Variants in ARHGAP32 observed in about 807,000 individuals in gnomAD.
ARHGAP32 encodes Rho GTPase activating protein 32, also known as rho GTPase-activating protein 32.
In ARHGAP32, 51 loss-of-function variants were observed where a neutral mutation model predicts 186.5. The ratio of observed to expected loss-of-function variants is 0.27; its 90% confidence interval spans 0.22 to 0.35. The LOEUF (loss-of-function observed/expected upper bound fraction) is 0.35. Among genes scored for constraint, ARHGAP32 ranks in the 10% least tolerant of loss-of-function variants. ARHGAP32 has a pLI of 1.00. For missense variants in ARHGAP32, 2,186 were observed against 2,623.5 expected, an observed-to-expected ratio of 0.83 and a Z score of 3.64; for synonymous variants, 950 against 964.3, an observed-to-expected ratio of 0.99 and a Z score of 0.27.
At chr11:129,074,096 TAAAGAA>T (rs1455840174) in intron 6 of ARHGAP32, among the ~76,000 whole-genome samples, 5 of 152,048 alleles carry the variant, frequency 3.3e-5, no homozygotes, top group Admixed American at 2.6e-4. Context: ...AGAAGTTCTT[TAAAGAA>T]AAAGAAAATG....
chr11:129,114,266 G>A (rs1435409356), intron 5 of ARHGAP32, among the ~76,000 whole-genome samples: 1 of 151,980 alleles, frequency 6.6e-6, no homozygotes, highest in Non-Finnish European at 1.5e-5. Context: ...ATTTTTCCTT[G>A]GCTGAGGGTT....
chr11:129,186,167 G>C (rs1397808241), intron 1 of ARHGAP32, among the ~76,000 whole-genome samples: 2 of 152,096 alleles, frequency 1.3e-5, no homozygotes, highest in Admixed American at 1.3e-4. Flanking sequence ...AATTAGGTTT[G>C]GGTTTAAACT....
intron 1 of ARHGAP32, among the ~76,000 whole-genome samples, chr11:129,277,052 T>C (rs950550169): frequency 3.3e-5 from 5 of 152,220 alleles, no homozygotes; most frequent in African/African-American, 9.6e-5. Context: ...TTTTGTTTCA[T>C]TCTTCTGCTA....
intron 5 of ARHGAP32, among the ~76,000 whole-genome samples, chr11:129,094,365 C>T (rs1941669094): frequency 6.6e-6 from 1 of 152,088 alleles, no homozygotes; most frequent in Admixed American, 6.5e-5. Flanking sequence ...ACTCTGTATC[C>T]ACAAAGATTT....
intron 7 of ARHGAP32, 85 bp from the exon 8 acceptor site, chr11:129,065,018 A>T (rs1388095473): frequency 1.8e-6 from 2 of 1,095,464 alleles, no homozygotes; most frequent in East Asian, 2.6e-5. Flanking sequence ...GGAAGAAAAA[A>T]ATCTATAGAT....
chr11:129,135,207 A>G (rs1942907932), intron 2 of ARHGAP32, among the ~76,000 whole-genome samples: 1 of 152,256 alleles, frequency 6.6e-6, no homozygotes, highest in South Asian at 2.1e-4. Context: ...GAAATGCAAA[A>G]GACACAGAAG....
chr11:129,046,803 C>T (rs946759385), intron 10 of ARHGAP32, among the ~76,000 whole-genome samples: 8 of 151,990 alleles, frequency 5.3e-5, no homozygotes, highest in African/African-American at 1.7e-4. Flanking sequence ...TTCAGCATAA[C>T]GATCATGTGC....
intron 2 of ARHGAP32, among the ~76,000 whole-genome samples, chr11:129,163,727 T>G (rs1285518657): frequency 6.6e-6 from 1 of 152,184 alleles, no homozygotes; most frequent in Non-Finnish European, 1.5e-5. Context: ...TGAGACTTCT[T>G]TAACATTTTA....
At chr11:129,177,186 G>A (rs1943935716) in intron 1 of ARHGAP32, among the ~76,000 whole-genome samples, 1 of 152,108 alleles carries the variant, frequency 6.6e-6, no homozygotes, top group East Asian at 1.9e-4. Flanking sequence ...AGAAAATATA[G>A]AAGAAATGGA....
chr11:129,028,838 T>G (rs1938975359), intron 11 of ARHGAP32, among the ~76,000 whole-genome samples: 1 of 152,132 alleles, frequency 6.6e-6, no homozygotes, highest in South Asian at 2.1e-4. Flanking sequence ...GGATTTCAAC[T>G]GGCCAAAATG....
intron 2 of ARHGAP32, among the ~76,000 whole-genome samples, chr11:129,132,108 A>C (rs1394194365): frequency 6.6e-6 from 1 of 152,174 alleles, no homozygotes; most frequent in Non-Finnish European, 1.5e-5. Flanking sequence ...AAAACTCTTA[A>C]AGAATTTCAT....
chr11:128,975,068 C>T (rs770330295), intron 20 of ARHGAP32, 66 bp from the exon 21 acceptor site: 16 of 1,327,460 alleles, frequency 1.2e-5, no homozygotes, highest in Admixed American at 4.2e-5. Flanking sequence ...TGGTAAGTCA[C>T]CTACTCAGCA....
At chr11:129,014,644 A>G (rs35604880) in intron 11 of ARHGAP32, among the ~76,000 whole-genome samples, 36,794 of 152,110 alleles carry the variant, frequency 0.24, 4,625 homozygotes, top group African/African-American at 0.29. Context: ...AGTAGTGGGA[A>G]TATATTAATA....
chr11:129,162,380 A>C (rs1943549482), intron 2 of ARHGAP32, among the ~76,000 whole-genome samples: 1 of 152,216 alleles, frequency 6.6e-6, no homozygotes, highest in Non-Finnish European at 1.5e-5. Flanking sequence ...TCACTTAAAA[A>C]ACAAGGCAAA....
chr11:129,170,674 A>C (rs1844827614), intron 1 of ARHGAP32, among the ~76,000 whole-genome samples: 1 of 152,094 alleles, frequency 6.6e-6, no homozygotes, highest in South Asian at 2.1e-4. Context: ...AGAATGATTT[A>C]TATTCCTTTG....
At chr11:129,108,442 A>G (rs977814187) in intron 5 of ARHGAP32, among the ~76,000 whole-genome samples, 1 of 152,194 alleles carries the variant, frequency 6.6e-6, no homozygotes, top group African/African-American at 2.4e-5. Context: ...TAACAATTAT[A>G]AACATGGAGG....
intron 10 of ARHGAP32, among the ~76,000 whole-genome samples, chr11:129,047,041 T>C (rs1370026470): frequency 6.7e-6 from 1 of 150,240 alleles, no homozygotes; most frequent in African/African-American, 2.5e-5. Context: ...GGCAGGAGAA[T>C]GGTGTGAACC....
Position 129,063,305 on chromosome 11 carries a change from T to C in ARHGAP32, c.885+597A>G, listed in dbSNP as rs533225686. 9.0e-4 allele frequency among the ~76,000 whole-genome samples: 137 copies of C among 152,290 alleles called. 2 individuals carry two copies. The highest frequency in any genetic ancestry group is 1.9e-3 in the South Asian group (9 of 4,828). On this transcript the variant is annotated intron_variant, in intron 9 of 22. Transcript: ENST00000682385. ...ATGCAGTAAAAAGTTATACTGTTAT[T>C]TCTTAAATTTAGTAACTGTCAGCAT...
intron 10 of ARHGAP32, among the ~76,000 whole-genome samples, chr11:129,047,691 T>C (rs1939870798): frequency 6.6e-6 from 1 of 152,046 alleles, no homozygotes; most frequent in Non-Finnish European, 1.5e-5. Context: ...GAAATGCCAA[T>C]TATTTTCTCC....
Sources: gnomAD v4.1 joint callset for allele counts (sites outside exome capture counted in the v4.1 genomes callset) on GRCh38, gnomAD v4.1.1 for gene constraint, MANE v1.5 for transcripts, NCBI Gene and HGNC (gene_info 2026-07-23, HGNC 2026-07-21) for gene names.